Variants in FAT3 observed in about 807,000 individuals in gnomAD.
FAT3 encodes the protein protocadherin Fat 3.
A neutral mutation model predicts 310.2 loss-of-function variants in FAT3; 95 were observed. The ratio of observed to expected loss-of-function variants is 0.31; its 90% CI spans 0.26 to 0.36. The LOEUF (loss-of-function observed/expected upper bound fraction) is 0.36, where lower values mean the gene tolerates loss of function less well. Ranked by LOEUF, FAT3 falls within the 10% of genes least tolerant of loss-of-function variation. The pLI is 1.00. For synonymous variants in FAT3, 2,314 were observed against 2,192.9 expected (o/e 1.06, Z -1.54); for missense variants, 5,408 against 5,715.6 (o/e 0.95, Z 1.74).
intron 2 of FAT3, among the ~76,000 whole-genome samples, chr11:92,411,154 T>TA (rs1555037844): frequency 6.3e-5 from 9 of 142,948 alleles, no homozygotes; most frequent in Admixed American, 3.6e-4. Flanking sequence ...ATAAATTATA[T>TA]ATATATAATA....
chr11:92,551,266 G>T (rs1306457026), intron 3 of FAT3, among the ~76,000 whole-genome samples: 1 of 152,012 alleles, frequency 6.6e-6, no homozygotes, highest in African/African-American at 2.4e-5. Context: ...ATTCTCTAGG[G>T]CTTTCTAAAT....
intron 1 of FAT3, among the ~76,000 whole-genome samples, chr11:92,303,695 G>A (rs930339267): frequency 9.2e-5 from 14 of 152,118 alleles, no homozygotes; most frequent in Admixed American, 5.9e-4. Flanking sequence ...CTTAGGTGCT[G>A]AACTATCTTT....
chr11:92,840,785 C>T (rs375426007), intron 18 of FAT3, 26 bp downstream of exon 18: 19 of 1,498,844 alleles, frequency 1.3e-5, no homozygotes, highest in Non-Finnish European at 1.6e-5. Context: ...CTGTCTCCGT[C>T]GTGCTGTCTT....
intron 2 of FAT3, among the ~76,000 whole-genome samples, chr11:92,442,007 C>G (rs909992946): frequency 2.0e-5 from 3 of 147,976 alleles, no homozygotes; most frequent in Non-Finnish European, 3.0e-5. Context: ...GTGCATTTCT[C>G]TAATGAGGTC....
intron 3 of FAT3, among the ~76,000 whole-genome samples, chr11:92,535,118 T>C (rs1044925231): frequency 5.3e-5 from 8 of 152,276 alleles, no homozygotes; most frequent in African/African-American, 1.9e-4. Context: ...TTTATGCTTC[T>C]GTAGTTTTCT....
At chr11:92,742,048 C>T (rs898451543) in intron 4 of FAT3, among the ~76,000 whole-genome samples, 1 of 152,160 alleles carries the variant, frequency 6.6e-6, no homozygotes, top group South Asian at 2.1e-4. Flanking sequence ...GCTCGGCATC[C>T]GTTATGTGTC....
chr11:92,323,770 C>A (rs989881346), intron 1 of FAT3, among the ~76,000 whole-genome samples: 6 of 152,254 alleles, frequency 3.9e-5, no homozygotes, highest in Non-Finnish European at 8.8e-5. Flanking sequence ...GTGGCTTCAG[C>A]TTAAAGTCAC....
rs1938964436 is a variant in FAT3 at position 92,583,697 on chromosome 11, G to A, written c.3607+58749G>A. On this transcript the variant is annotated intron_variant, in intron 3 of 27. Coordinates refer to ENST00000525166, the MANE Select transcript of FAT3 (RefSeq NM_001367949.2). ...GAGCTCTTATACCCTTCAACCGCAGGACACACCCCCATTGTCACTATAGTT... is the reference window on the plus strand; with the variant it reads ...GAGCTCTTATACCCTTCAACCGCAGAACACACCCCCATTGTCACTATAGTT... 2.6e-5 allele frequency among the ~76,000 whole-genome samples: 4 copies of A among 151,908 alleles called. No homozygotes were observed. In the South Asian group the frequency reaches 8.3e-4, roughly 31 times the overall value.
chr11:92,519,983 A>G (rs1388123792), intron 2 of FAT3, among the ~76,000 whole-genome samples: 1 of 152,100 alleles, frequency 6.6e-6, no homozygotes, highest in African/African-American at 2.4e-5. Context: ...TCTTACCCCT[A>G]AGTTATTATT....
rs771824685 is a variant in FAT3, at chr11:92,352,193, C to T, written c.81C>T (p.Ala27=). The T allele has an allele frequency of 3.6e-6, 5 of 1,374,956 alleles. No individual in the cohort carries two copies. The highest frequency in any genetic ancestry group is 1.1e-5 in the South Asian group (1 of 88,074). The allele number at this position is 1,374,956 out of a possible 1,614,324, so 85.2% of individuals were successfully genotyped here. ...TCCTCCTGCTTTTCAAGCTTTTGGC[C>T]ACTGTCTCCCAGGGGCTGCCAGGGA... ...CLILLLFKLL[A]TVSQGLPGTG... is the part of the protein sequence containing the mutation. The change falls in exon 2 of 28, where the codon GCC becomes GCT. Residue 27 remains alanine, a synonymous_variant. Transcript: ENST00000525166.
intron 2 of FAT3, among the ~76,000 whole-genome samples, chr11:92,518,600 T>C (rs148164439): frequency 1.1e-3 from 161 of 152,042 alleles, no homozygotes; most frequent in African/African-American, 3.7e-3. Context: ...CCATGGCACA[T>C]GTATACCTAT....
chr11:92,350,623 T>C (rs994642131), intron 1 of FAT3, among the ~76,000 whole-genome samples: 10 of 152,156 alleles, frequency 6.6e-5, no homozygotes, highest in African/African-American at 2.4e-4. Context: ...GAGATCCTGC[T>C]TTACTACTTG....
intron 1 of FAT3, among the ~76,000 whole-genome samples, chr11:92,334,867 A>G (rs1481271985): frequency 1.3e-5 from 2 of 152,194 alleles, no homozygotes; most frequent in African/African-American, 4.8e-5. Context: ...ATTGGCCCCA[A>G]TTAAATTACG....
At chr11:92,660,723 C>G (rs1942752446) in intron 3 of FAT3, among the ~76,000 whole-genome samples, 1 of 152,326 alleles carries the variant, frequency 6.6e-6, no homozygotes, top group African/African-American at 2.4e-5. Flanking sequence ...AAACTGTGGA[C>G]ATGGCCTTTT....
chr11:92,510,413 T>A (rs1332701913), intron 2 of FAT3, among the ~76,000 whole-genome samples: 2 of 152,138 alleles, frequency 1.3e-5, no homozygotes, highest in Non-Finnish European at 2.9e-5. Flanking sequence ...TCATCTAAGT[T>A]ATAGGAGAGA....
chr11:92,459,559 T>C (rs1461916698), intron 2 of FAT3, among the ~76,000 whole-genome samples: 3 of 152,186 alleles, frequency 2.0e-5, no homozygotes, highest in African/African-American at 7.2e-5. Context: ...TCTTCACAAC[T>C]CTCTCCAACT....
chr11:92,271,514 G>C (rs1057489818), intron 1 of FAT3, among the ~76,000 whole-genome samples: 6 of 152,052 alleles, frequency 3.9e-5, no homozygotes, highest in African/African-American at 1.4e-4. Context: ...ACTTGAAATG[G>C]ACTGTTTATA....
chr11:92,615,382 G>A (rs1940752703), intron 3 of FAT3, among the ~76,000 whole-genome samples: 1 of 152,078 alleles, frequency 6.6e-6, no homozygotes, highest in South Asian at 2.1e-4. Context: ...AAGTAGCTGG[G>A]GTTACAGGCA....
intron 2 of FAT3, among the ~76,000 whole-genome samples, chr11:92,448,180 T>G (rs1951265404): frequency 6.6e-6 from 1 of 152,168 alleles, no homozygotes; most frequent in East Asian, 1.9e-4. Context: ...AATTAATTTA[T>G]GAAAGTGCTT....
Sources: allele counts gnomAD v4.1 joint callset (sites outside exome capture counted in the v4.1 genomes callset), GRCh38; gene constraint gnomAD v4.1.1; transcripts MANE v1.5; gene names NCBI Gene and HGNC (gene_info 2026-07-23, HGNC 2026-07-21).